Variants in RERE observed in about 807,000 individuals in gnomAD.
RERE encodes arginine-glutamic acid dipeptide repeats, also known as arginine-glutamic acid dipeptide repeats protein.
A neutral mutation model predicts 146.1 loss-of-function variants in RERE; 40 were observed. That is an observed-to-expected ratio of 0.27 (90% CI 0.21 to 0.36). The LOEUF (loss-of-function observed/expected upper bound fraction) is 0.36, where lower values mean the gene tolerates loss of function less well. Ranked by LOEUF, RERE falls within the 10% of genes least tolerant of loss-of-function variation. The pLI, the probability that RERE is intolerant of heterozygous loss-of-function variation, is 1.00. For missense variants in RERE, 1,933 were observed against 2,138.7 expected, an observed-to-expected ratio of 0.90 and a Z score of 1.90; for synonymous variants, 1,003 against 866.0, an observed-to-expected ratio of 1.16 and a Z score of -2.78.
intron 10 of RERE, among the ~76,000 whole-genome samples, chr1:8,480,161 A>G (rs1271017704): frequency 1.1e-4 from 14 of 133,184 alleles, no homozygotes; most frequent in African/African-American, 3.9e-4. Context: ...TTTTTTTGAG[A>G]CACAGTCTCG....
intron 11 of RERE, among the ~76,000 whole-genome samples, chr1:8,445,336 C>T (rs1644303417): frequency 6.6e-6 from 1 of 152,186 alleles, no homozygotes; most frequent in African/African-American, 2.4e-5. Flanking sequence ...AAGGTACAGA[C>T]TTTTCTTCAC....
chr1:8,526,293 CTT>C (rs34947776), intron 7 of RERE, among the ~76,000 whole-genome samples: 2,124 of 141,704 alleles, frequency 0.015, 14 homozygotes, highest in African/African-American at 0.032. Context: ...CAAGTTTTGT[CTT>C]TTTTTTTTTT....
intron 1 of RERE, among the ~76,000 whole-genome samples, chr1:8,694,979 G>GGA (rs1553135252): frequency 7.3e-6 from 1 of 137,804 alleles, no homozygotes; most frequent in Non-Finnish European, 1.6e-5. Flanking sequence ...CCTAAGGGGG[G>GGA]GGGGGGAATG....
Position 8,777,138 on chromosome 1 carries a change from C to G in RERE, c.-145+40022G>C, listed in dbSNP as rs541880492. 3.3e-5 allele frequency among the ~76,000 whole-genome samples: 5 copies of G among 152,310 alleles called. No homozygotes were observed. The South Asian group carries it at 1.0e-3, about 32-fold the overall frequency. The stretch of plus-strand genomic sequence containing the variant: ...TAAGCACTTCACCTTTGAAGGAGCT[C>G]TAAGTAGAACACGAAAGAAAGTTAT... On this transcript the variant is annotated intron_variant, in intron 1 of 22. Coordinates refer to ENST00000400908, the MANE Select transcript of RERE (RefSeq NM_001042681.2).
rs577170630 is a variant in RERE, at chr1:8,601,006, G to A, written c.522+13555C>T. ...CCTGACCTTGTGATCCGCCTGCCTCGGTCTCCCAAACTTTTTTTTTTTTTT... is the reference window on the plus strand; with the variant it reads ...CCTGACCTTGTGATCCGCCTGCCTCAGTCTCCCAAACTTTTTTTTTTTTTT... On this transcript the variant is annotated intron_variant, in intron 4 of 22. Coordinates refer to ENST00000400908, the MANE Select transcript of RERE (RefSeq NM_001042681.2). Among the ~76,000 whole-genome samples, 38 of 136,378 alleles carry A rather than the reference G, an allele frequency of 2.8e-4. No homozygotes were observed. In the South Asian group the frequency reaches 5.6e-3, roughly 20 times the overall value. The allele number at this position is 136,378 out of a possible 152,430, so 89.5% of individuals were successfully genotyped here. A position where few individuals can be genotyped will look rare whatever the true frequency, so the allele number is the denominator to read the frequency against.
chr1:8,695,302 G>T lies in RERE; in HGVS notation c.-144-38861C>A, dbSNP rs540317121. Among the ~76,000 whole-genome samples, 99 of 152,090 alleles carry T rather than the reference G, an allele frequency of 6.5e-4. No individual in the cohort carries two copies. The Middle Eastern group carries it at 0.024, about 37-fold the overall frequency. On this transcript the variant is annotated intron_variant, in intron 1 of 22. Coordinates refer to ENST00000400908, the MANE Select transcript of RERE (RefSeq NM_001042681.2). The stretch of plus-strand genomic sequence containing the variant: ...ATATTTAAATGCAAGACCACAAACT[G>T]TAAAAATCCCAGAAGAAAACCTAAA...
chr1:8,752,432 T>C (rs1640558211), intron 1 of RERE, among the ~76,000 whole-genome samples: 1 of 152,190 alleles, frequency 6.6e-6, no homozygotes, highest in Non-Finnish European at 1.5e-5. Flanking sequence ...ACATTATTCC[T>C]ATAATCCTTA....
chr1:8,676,753 G>C (rs1638849354), intron 1 of RERE, among the ~76,000 whole-genome samples: 1 of 152,112 alleles, frequency 6.6e-6, no homozygotes, highest in Admixed American at 6.5e-5. Context: ...TACCAAATAG[G>C]GCAGTTATTG....
chr1:8,498,732 T>TACACAC (rs1553175300), intron 8 of RERE, among the ~76,000 whole-genome samples: 7,561 of 107,622 alleles, frequency 0.07, 383 homozygotes, highest in Middle Eastern at 0.23. Context: ...AATAAATATA[T>TACACAC]ACACACACAC....
intron 7 of RERE, among the ~76,000 whole-genome samples, chr1:8,530,247 A>G (rs1645626320): frequency 6.6e-6 from 1 of 152,212 alleles, no homozygotes; most frequent in Non-Finnish European, 1.5e-5. Flanking sequence ...GCACTTCTGA[A>G]TAGACTAAAT....
chr1:8,761,057 A>C (rs1434960971), intron 1 of RERE, among the ~76,000 whole-genome samples: 1 of 152,206 alleles, frequency 6.6e-6, no homozygotes, highest in Admixed American at 6.5e-5. Context: ...ACAAGGATTC[A>C]AACCCAATCC....
At chr1:8,490,494 A>G (rs1416668965) in intron 10 of RERE, among the ~76,000 whole-genome samples, 1 of 150,632 alleles carries the variant, frequency 6.6e-6, no homozygotes, top group African/African-American at 2.5e-5. Context: ...AACAATGTTG[A>G]AAAAACTTTT....
At chr1:8,391,988 T>C (rs1570126206) in intron 12 of RERE, among the ~76,000 whole-genome samples, 1 of 152,120 alleles carries the variant, frequency 6.6e-6, no homozygotes, top group Non-Finnish European at 1.5e-5. Context: ...GATCGCGCTA[T>C]TGCACTCCAG....
intron 4 of RERE, among the ~76,000 whole-genome samples, chr1:8,578,391 C>CA (rs1318127659): frequency 5.3e-5 from 8 of 152,246 alleles, no homozygotes; most frequent in African/African-American, 1.7e-4. Flanking sequence ...GCCCAATAAT[C>CA]AAACAGTTAC....
chr1:8,416,181 A>G (rs1389032229), intron 12 of RERE, among the ~76,000 whole-genome samples: 1 of 152,270 alleles, frequency 6.6e-6, no homozygotes, highest in Non-Finnish European at 1.5e-5. Context: ...ACTAGACTGC[A>G]TGCCACAAGG....
chr1:8,670,100 A>G (rs989403106), intron 1 of RERE, among the ~76,000 whole-genome samples: 1 of 152,302 alleles, frequency 6.6e-6, no homozygotes, highest in Middle Eastern at 3.4e-3. Context: ...GCTGTTTTCT[A>G]TGTCTGAGCC....
intron 12 of RERE, among the ~76,000 whole-genome samples, chr1:8,385,478 G>A (rs1642604350): frequency 6.6e-6 from 1 of 152,122 alleles, no homozygotes; most frequent in Non-Finnish European, 1.5e-5. Flanking sequence ...GCAGGGGCAG[G>A]CTACCACGGA....
At chr1:8,714,959 C>T (rs1303264296) in intron 1 of RERE, among the ~76,000 whole-genome samples, 3 of 151,914 alleles carry the variant, frequency 2.0e-5, no homozygotes, top group African/African-American at 4.8e-5. Context: ...CTGCAACCTC[C>T]GCCTCCTGGG....
At chr1:8,480,649 T>C (rs1319305504) in intron 10 of RERE, among the ~76,000 whole-genome samples, 1 of 151,540 alleles carries the variant, frequency 6.6e-6, no homozygotes, top group East Asian at 1.9e-4. Context: ...TTGGCCAGGC[T>C]GGTCTTGAAC....
Sources: allele counts gnomAD v4.1 joint callset (sites outside exome capture counted in the v4.1 genomes callset), GRCh38; gene constraint gnomAD v4.1.1; transcripts MANE v1.5; gene names NCBI Gene and HGNC (gene_info 2026-07-23, HGNC 2026-07-21).